TMED10: variants seen among roughly 807,000 people sequenced by gnomAD.
TMED10 encodes the protein transmembrane p24 trafficking protein 10, also known as transmembrane emp24 domain-containing protein 10.
In TMED10, 7 loss-of-function variants were observed where a neutral mutation model predicts 23.1. The ratio of observed to expected loss-of-function variants is 0.30; its 90% confidence interval spans 0.17 to 0.57. TMED10 has a LOEUF of 0.57. TMED10 is among the 20% of genes least tolerant of loss of function. The pLI is 0.91. For missense variants in TMED10, 162 were observed against 274.8 expected, an observed-to-expected ratio of 0.59 and a Z score of 2.90; for synonymous variants, 113 against 106.9, an observed-to-expected ratio of 1.06 and a Z score of -0.35.
intron 1 of TMED10, among the ~76,000 whole-genome samples, chr14:75,173,776 G>C (rs1264200470): frequency 2.0e-5 from 3 of 152,190 alleles, no homozygotes; most frequent in Non-Finnish European, 4.4e-5. Flanking sequence ...TGTTGCCCAG[G>C]CTGGAGTGCA....
At chr14:75,171,544 CGTT>C (rs570758101) in intron 1 of TMED10, among the ~76,000 whole-genome samples, 17 of 152,142 alleles carry the variant, frequency 1.1e-4, no homozygotes, top group Admixed American at 7.2e-4. Flanking sequence ...CCTCCCAAAG[CGTT>C]GGGATTACAG....
At position 75,131,979 on chromosome 14, in the gene TMED10, CAT is replaced by C. The variant is rs1331804975; in HGVS notation, c.*2904_*2905del. 1.3e-5 allele frequency: 2 copies of C among 152,544 alleles called. No homozygotes were observed. Among genetic ancestry groups the C allele is most frequent in the East Asian group, 3.8e-4 (2 of 5,200 alleles). The allele number at this position is 152,544 out of a possible 1,614,324, so 9.4% of individuals were successfully genotyped here. A position where few individuals can be genotyped will look rare whatever the true frequency, so the allele number is the denominator to read the frequency against. ...TTGACATTTTGTCACATCACAAGAA[CAT>C]AACTAAGAGAGTAGCTTTCGTTGCT... On this transcript the variant is annotated 3_prime_UTR_variant, in exon 5 of 5. Coordinates refer to ENST00000303575, the MANE Select transcript of TMED10 (RefSeq NM_006827.6).
chr14:75,133,041 T>C lies in TMED10; in HGVS notation c.*1844A>G, dbSNP rs1895706691. On this transcript the variant is annotated 3_prime_UTR_variant, in exon 5 of 5. Transcript: ENST00000303575. ...TCATACTCCTACAGTGATTATTGGC[T>C]TTGCTTTCATAACATGTATTTTTAA... The C allele has an allele frequency of 6.6e-6, 1 of 152,234 alleles. No individual in the cohort carries two copies. The highest frequency in any genetic ancestry group is 1.5e-5 in the Non-Finnish European group (1 of 68,034). 9.4% of individuals were successfully genotyped at this position (152,234 alleles called of 1,614,324 possible).
intron 1 of TMED10, among the ~76,000 whole-genome samples, chr14:75,154,661 T>C (rs1896000226): frequency 1.3e-5 from 2 of 151,924 alleles, no homozygotes; most frequent in African/African-American, 4.8e-5. Context: ...CTTTTAAATT[T>C]ATTTTTATTT....
chr14:75,160,028 T>C (rs1193300801), intron 1 of TMED10, among the ~76,000 whole-genome samples: 1 of 152,150 alleles, frequency 6.6e-6, no homozygotes, highest in African/African-American at 2.4e-5. Context: ...GGCCTCCACA[T>C]GTCTACACTC....
At chr14:75,135,328 T>A (rs893300128) in intron 4 of TMED10, among the ~76,000 whole-genome samples, 2 of 151,992 alleles carry the variant, frequency 1.3e-5, no homozygotes, top group African/African-American at 4.8e-5. Context: ...TAGTCCCAGC[T>A]ACTTGGGAGG....
chr14:75,172,658 T>C (rs111919396), intron 1 of TMED10, among the ~76,000 whole-genome samples: 214 of 152,304 alleles, frequency 1.4e-3, no homozygotes, highest in African/African-American at 5.0e-3. Flanking sequence ...TTGTGGTTTA[T>C]ATTTTTAAAG....
intron 1 of TMED10, among the ~76,000 whole-genome samples, chr14:75,173,531 A>G (rs1366711212): frequency 6.6e-6 from 1 of 151,866 alleles, no homozygotes; most frequent in Non-Finnish European, 1.5e-5. Flanking sequence ...TTATTCTCCC[A>G]TTTATCATCA....
chr14:75,157,777 TA>T (rs1896038144), intron 1 of TMED10, among the ~76,000 whole-genome samples: 1 of 151,070 alleles, frequency 6.6e-6, no homozygotes, highest in African/African-American at 2.4e-5. Context: ...CCGTCTCTAC[TA>T]AAAATACAAA....
intron 2 of TMED10, among the ~76,000 whole-genome samples, chr14:75,148,279 A>T (rs750477505): frequency 6.6e-6 from 1 of 152,104 alleles, no homozygotes; most frequent in Admixed American, 6.5e-5. Flanking sequence ...AAAGAACATA[A>T]GTTTTATCTA....
chr14:75,167,372 C>T lies in TMED10; in HGVS notation c.225+8983G>A, dbSNP rs1367268316. Among the ~76,000 whole-genome samples, 5 of 152,016 alleles carry T rather than the reference C, an allele frequency of 3.3e-5. No homozygotes were observed. The South Asian group carries it at 1.0e-3, about 32-fold the overall frequency. On this transcript the variant is annotated intron_variant, in intron 1 of 4. Coordinates refer to ENST00000303575, the MANE Select transcript of TMED10 (RefSeq NM_006827.6). ...ATAGCATATATACCATCTTTTCCTT[C>T]CTTCCTCCCTCCCCTGCCTCTTCGC...
intron 3 of TMED10, among the ~76,000 whole-genome samples, chr14:75,137,711 T>TCTTTC (rs1293950723): frequency 3.7e-4 from 53 of 143,328 alleles, no homozygotes; most frequent in Non-Finnish European, 6.3e-4. Flanking sequence ...TTTCTTTCTT[T>TCTTTC]TTTTTTTTTT....
At chr14:75,162,742 G>A (rs1896100037) in intron 1 of TMED10, among the ~76,000 whole-genome samples, 1 of 152,018 alleles carries the variant, frequency 6.6e-6, no homozygotes, top group African/African-American at 2.4e-5. Context: ...CAGTATCAAC[G>A]TGACAAATCA....
intron 1 of TMED10, among the ~76,000 whole-genome samples, chr14:75,169,091 A>C (rs1206628522): frequency 6.6e-6 from 1 of 152,240 alleles, no homozygotes; most frequent in East Asian, 1.9e-4. Context: ...GAGATGAGGC[A>C]AAGACAGTGC....
intron 3 of TMED10, among the ~76,000 whole-genome samples, chr14:75,146,053 TA>T (rs1454643519): frequency 6.6e-6 from 1 of 152,164 alleles, no homozygotes; most frequent in Non-Finnish European, 1.5e-5. Flanking sequence ...CATGAAGGTT[TA>T]AAAAAATTTT....
intron 3 of TMED10, among the ~76,000 whole-genome samples, chr14:75,141,376 CAT>C (rs1895820768): frequency 6.6e-6 from 1 of 152,024 alleles, no homozygotes; most frequent in Non-Finnish European, 1.5e-5. Flanking sequence ...CATGTACACA[CAT>C]AACTGCCACA....
intron 1 of TMED10, 59 bp from the exon 2 acceptor site, chr14:75,152,202 A>G (rs1489123686): frequency 7.3e-7 from 1 of 1,362,136 alleles, no homozygotes; most frequent in Non-Finnish European, 1.0e-6. Context: ...GAGAACTTAC[A>G]GAAACTGGGA....
intron 1 of TMED10, among the ~76,000 whole-genome samples, chr14:75,171,583 C>T (rs1162486534): frequency 1.6e-5 from 2 of 124,402 alleles, no homozygotes; most frequent in African/African-American, 6.1e-5. Flanking sequence ...CCCAGCCTGG[C>T]TTTAAAGATG....
At chr14:75,145,380 C>T (rs12588240) in intron 3 of TMED10, among the ~76,000 whole-genome samples, 1 of 151,962 alleles carries the variant, frequency 6.6e-6, no homozygotes, top group Non-Finnish European at 1.5e-5. Flanking sequence ...AAATGCTATA[C>T]GACAGCTGTG....
Sources: allele counts gnomAD v4.1 joint callset (sites outside exome capture counted in the v4.1 genomes callset), GRCh38; gene constraint gnomAD v4.1.1; transcripts MANE v1.5; gene names NCBI Gene and HGNC (gene_info 2026-07-23, HGNC 2026-07-21).